TOP1: variants seen among roughly 807,000 people sequenced by gnomAD.
TOP1 encodes the protein DNA topoisomerase 1.
A neutral mutation model predicts 111.1 loss-of-function variants in TOP1; 10 were observed. The ratio of observed to expected loss-of-function variants is 0.09; its 90% CI spans 0.06 to 0.15. The LOEUF (loss-of-function observed/expected upper bound fraction) is 0.15, where lower values mean the gene tolerates loss of function less well. TOP1 is among the 10% of genes least tolerant of loss of function. The pLI is 1.00. For synonymous variants in TOP1, 271 were observed against 302.9 expected (o/e 0.89, Z 1.10); for missense variants, 474 against 926.7 (o/e 0.51, Z 6.34).
At chr20:41,057,391 TA>T (rs533526984) in intron 2 of TOP1, among the ~76,000 whole-genome samples, 95 of 143,136 alleles carry the variant, frequency 6.6e-4, no homozygotes, top group East Asian at 1.6e-3. Context: ...CCAAAAAAAA[TA>T]AAAAAAAAAA....
At chr20:41,059,178 G>T (rs1004695095) in intron 2 of TOP1, among the ~76,000 whole-genome samples, 9 of 152,078 alleles carry the variant, frequency 5.9e-5, no homozygotes, top group African/African-American at 2.2e-4. Flanking sequence ...GAGGGTGGAG[G>T]GTGAGAGGAG....
At chr20:41,075,168 AAATT>A (rs1260817450) in intron 3 of TOP1, among the ~76,000 whole-genome samples, 2 of 151,876 alleles carry the variant, frequency 1.3e-5, no homozygotes, top group African/African-American at 2.4e-5. Flanking sequence ...CCTCTTTTTA[AAATT>A]AATTAATTAA....
chr20:41,039,236 TAGGTATATAC>T (rs1417227878), intron 2 of TOP1, among the ~76,000 whole-genome samples: 1 of 152,212 alleles, frequency 6.6e-6, no homozygotes, highest in Non-Finnish European at 1.5e-5. Flanking sequence ...TAGTACGTTG[TAGGTATATAC>T]AGTCACTTCC....
At position 41,110,275 on chromosome 20, in the gene TOP1, C is replaced by T. The variant is rs779599193; in HGVS notation, c.1309-2507C>T. On this transcript the variant is annotated intron_variant, in intron 13 of 20. Coordinates refer to ENST00000361337, the MANE Select transcript of TOP1 (RefSeq NM_003286.4). This position sits in a 1 kb window ranked among gnomAD's most constrained non-coding sequence, Gnocchi z 4.2. ...ACTCCAGCCTGGTGACAGAGCGAGA[C>T]GCTGTCTCAGAGGGAAAAAAAAAAG... 6.6e-6 allele frequency among the ~76,000 whole-genome samples: 1 copy of T among 151,462 alleles called. No homozygotes were observed. Among genetic ancestry groups the T allele is most frequent in the Non-Finnish European group, 1.5e-5 (1 of 67,944 alleles).
intron 11 of TOP1, among the ~76,000 whole-genome samples, chr20:41,099,645 G>A (rs2034031585): frequency 1.3e-5 from 2 of 152,056 alleles, no homozygotes; most frequent in South Asian, 2.1e-4. Flanking sequence ...AAAAACCCAC[G>A]TTTTTAAGCT....
Position 41,070,760 on chromosome 20 carries a change from T to A in TOP1, c.156-5411T>A, listed in dbSNP as rs147241785. ...GTGGCTAAGTCCTTTTCTCAGAATA[T>A]GTGGAGGCTCCTTCTACCTTTAACA... On this transcript the variant is annotated intron_variant, in intron 3 of 20. Transcript: ENST00000361337. Among the ~76,000 whole-genome samples, 523 of 152,298 alleles carry A rather than the reference T, an allele frequency of 3.4e-3. 6 individuals carry two copies. The highest frequency in any genetic ancestry group is 0.012 in the African/African-American group (495 of 41,562).
intron 4 of TOP1, among the ~76,000 whole-genome samples, chr20:41,077,226 A>G (rs981627471): frequency 6.6e-6 from 1 of 152,006 alleles, no homozygotes; most frequent in Non-Finnish European, 1.5e-5. Flanking sequence ...GGCCCAGTTT[A>G]TATGTTTTGT....
Position 41,029,889 on chromosome 20 carries a change from C to CA in TOP1, c.58+435dup, listed in dbSNP as rs370916607. 2.9e-3 allele frequency: 548 copies of CA among 185,764 alleles called. 6 individuals carry two copies. Among genetic ancestry groups the CA allele is most frequent in the African/African-American group, 0.012 (507 of 42,500 alleles). 11.5% of individuals were successfully genotyped at this position (185,764 alleles called of 1,614,324 possible). The stretch of plus-strand genomic sequence containing the variant: ...TTCTGCAGAGCAAAGCCGTATAAAT[C>CA]ACATACTTCACCAGAGAGGGAAGGC... On this transcript the variant is annotated intron_variant, in intron 2 of 20. Coordinates refer to ENST00000361337, the MANE Select transcript of TOP1 (RefSeq NM_003286.4). The surrounding 1 kb of genome is among the most constrained non-coding windows in gnomAD (Gnocchi z 6.1).
intron 2 of TOP1, among the ~76,000 whole-genome samples, chr20:41,031,427 T>C (rs2033118364): frequency 6.6e-6 from 1 of 152,246 alleles, no homozygotes; most frequent in African/African-American, 2.4e-5. Context: ...CTTACATGGT[T>C]CTCACCTAAG....
chr20:41,064,219 G>C (rs1311682243), intron 3 of TOP1, among the ~76,000 whole-genome samples: 3 of 152,128 alleles, frequency 2.0e-5, no homozygotes, highest in African/African-American at 7.2e-5. Flanking sequence ...TTAGATTGCT[G>C]TCGGTGTGTG....
chr20:41,080,812 T>C lies in TOP1; in HGVS notation c.432-353T>C, dbSNP rs1028900778. Among the ~76,000 whole-genome samples, 5 of 152,220 alleles carry C rather than the reference T, an allele frequency of 3.3e-5. No individual in the cohort carries two copies. Among genetic ancestry groups the C allele is most frequent in the Admixed American group, 2.6e-4 (4 of 15,280 alleles). On this transcript the variant is annotated intron_variant, in intron 6 of 20. Coordinates refer to ENST00000361337, the MANE Select transcript of TOP1 (RefSeq NM_003286.4). The surrounding 1 kb of genome is among the most constrained non-coding windows in gnomAD (Gnocchi z 5.0). ...TACTGCTATGTGGTAGCTAGTGTGC[T>C]GTGTGTTTGGTTCCCAAACTTTCAT...
chr20:41,119,243 A>G (rs1309439173), intron 18 of TOP1, among the ~76,000 whole-genome samples: 1 of 152,256 alleles, frequency 6.6e-6, no homozygotes, highest in East Asian at 1.9e-4. Flanking sequence ...TCTAACATCT[A>G]TTGATGATAA....
intron 3 of TOP1, among the ~76,000 whole-genome samples, chr20:41,074,924 T>C (rs1190016534): frequency 6.6e-6 from 1 of 152,264 alleles, no homozygotes; most frequent in Admixed American, 6.5e-5. Context: ...GCTTCTTTAG[T>C]CTTTGACCAC....
At chr20:41,033,967 A>AT (rs1319384989) in intron 2 of TOP1, among the ~76,000 whole-genome samples, 1 of 151,912 alleles carries the variant, frequency 6.6e-6, no homozygotes, top group Non-Finnish European at 1.5e-5. Context: ...GTATTTTGAC[A>AT]TTGGACCTGG....
rs376085417 is a variant in TOP1, at chr20:41,080,079, C to T, written c.336-6C>T. 3 of 1,596,306 alleles carry T rather than the reference C, an allele frequency of 1.9e-6. No homozygotes were observed. Among genetic ancestry groups the T allele is most frequent in the South Asian group, 1.1e-5 (1 of 89,616 alleles). On this transcript the variant is annotated splice_region_variant and splice_polypyrimidine_tract_variant and intron_variant, in intron 5 of 20. Coordinates refer to ENST00000361337, the MANE Select transcript of TOP1 (RefSeq NM_003286.4). This position sits in a 1 kb window ranked among gnomAD's most constrained non-coding sequence, Gnocchi z 5.0. ...CACTCTGACCAGCAATTTTTTTTCT[C>T]TTTAGTCCACCACAAATTAAAGATG...
chr20:41,036,680 G>A (rs940433886), intron 2 of TOP1, among the ~76,000 whole-genome samples: 8 of 116,080 alleles, frequency 6.9e-5, no homozygotes, highest in Non-Finnish European at 1.4e-4. Flanking sequence ...ATTGTAACAT[G>A]TAACTAGTGT....
chr20:41,035,049 C>T lies in TOP1; in HGVS notation c.58+5594C>T, dbSNP rs187656007. Among the ~76,000 whole-genome samples, 932 of 152,076 alleles carry T rather than the reference C, an allele frequency of 6.1e-3. 7 individuals carry two copies. The highest frequency in any genetic ancestry group is 0.019 in the South Asian group (90 of 4,814). ...GAACTACAGGTGCATGTCACCACGC[C>T]GGGCTAATTTTTGCATTTTTTGTAG... On this transcript the variant is annotated intron_variant, in intron 2 of 20. Coordinates refer to ENST00000361337, the MANE Select transcript of TOP1 (RefSeq NM_003286.4).
At chr20:41,043,052 A>G (rs975664287) in intron 2 of TOP1, among the ~76,000 whole-genome samples, 6 of 152,220 alleles carry the variant, frequency 3.9e-5, no homozygotes, top group Non-Finnish European at 8.8e-5. Context: ...TTTCAAACAC[A>G]TATTGTTCAG....
Position 41,097,542 on chromosome 20 carries a change from C to T in TOP1, c.852+201C>T, listed in dbSNP as rs1209272401. On this transcript the variant is annotated intron_variant, in intron 10 of 20. Transcript: ENST00000361337. The surrounding 1 kb of genome is among the most constrained non-coding windows in gnomAD (Gnocchi z 4.2). ...CAACAAGAGTACTTGTATATCTTTGCTATTGGCTCTCATGTGATGGCAGGT... is the reference window on the plus strand; with the variant it reads ...CAACAAGAGTACTTGTATATCTTTGTTATTGGCTCTCATGTGATGGCAGGT... 6.6e-6 allele frequency among the ~76,000 whole-genome samples: 1 copy of T among 152,086 alleles called. No homozygotes were observed. The highest frequency in any genetic ancestry group is 2.4e-5 in the African/African-American group (1 of 41,418).
Sources: allele counts gnomAD v4.1 joint callset (sites outside exome capture counted in the v4.1 genomes callset), GRCh38; gene constraint gnomAD v4.1.1; non-coding constraint Gnocchi (gnomAD v3.1); transcripts MANE v1.5; gene names NCBI Gene and HGNC (gene_info 2026-07-23, HGNC 2026-07-21).